Variants in PATJ observed in about 807,000 individuals in gnomAD.
The protein encoded by PATJ is inaD-like protein.
PATJ carries 190 observed loss-of-function variants against 224.9 expected under a neutral mutation model. The ratio of observed to expected loss-of-function variants is 0.84; its 90% CI spans 0.75 to 0.95. The LOEUF is 0.95. Ranked by LOEUF, PATJ falls within the 40% of genes least tolerant of loss-of-function variation. The pLI is 0.00. For missense variants in PATJ, 2,121 were observed against 2,270.3 expected (o/e 0.93, Z 1.34); for synonymous variants, 769 against 820.3 (o/e 0.94, Z 1.07).
At chr1:61,879,391 T>G (rs1350680157) in intron 21 of PATJ, among the ~76,000 whole-genome samples, 1 of 152,128 alleles carries the variant, frequency 6.6e-6, no homozygotes, top group Non-Finnish European at 1.5e-5. Flanking sequence ...AGATCCAAAG[T>G]GACCCTGACG....
At chr1:61,797,057 G>T (rs370726619) in intron 10 of PATJ, among the ~76,000 whole-genome samples, 1 of 152,028 alleles carries the variant, frequency 6.6e-6, no homozygotes, top group East Asian at 1.9e-4. Context: ...AGTAGAGATG[G>T]GGTTTCACCA....
At chr1:61,867,463 A>G (rs1048124229) in intron 20 of PATJ, among the ~76,000 whole-genome samples, 43 of 152,174 alleles carry the variant, frequency 2.8e-4, no homozygotes, top group African/African-American at 9.2e-4. Context: ...AACCTGAAAT[A>G]TCAGTTTATT....
intron 1 of PATJ, among the ~76,000 whole-genome samples, chr1:61,751,552 G>A (rs1377779221): frequency 6.6e-6 from 1 of 151,984 alleles, no homozygotes; most frequent in African/African-American, 2.4e-5. Context: ...TAGACTGGGT[G>A]CATTGTCTCT....
At chr1:62,116,780 A>C (rs1664489584) in intron 36 of PATJ, 101 bp downstream of exon 36, 2 of 1,120,910 alleles carry the variant, frequency 1.8e-6, no homozygotes, top group South Asian at 3.5e-5. Context: ...TTTTATACTA[A>C]CTCTAGTTTT....
In PATJ at chr1:62,100,378, G is replaced by T. The variant is rs553992466; in HGVS notation, c.4378-8059G>T. 3 of 718,266 alleles carry T rather than the reference G, an allele frequency of 4.2e-6. No individual in the cohort carries two copies. In the Middle Eastern group the frequency reaches 6.9e-4, roughly 164 times the overall value. The allele number at this position is 718,266 out of a possible 1,614,324, so 44.5% of individuals were successfully genotyped here. ...AGCATCTGGTGAGGGCCTTCATGCT[G>T]CATCATCCTGTGACAGAAGTTGAAG... On this transcript the variant is annotated intron_variant, in intron 33 of 43. Coordinates refer to ENST00000642238, the MANE Select transcript of PATJ (RefSeq NM_001350145.3).
intron 41 of PATJ, among the ~76,000 whole-genome samples, chr1:62,134,893 A>G (rs75316668): frequency 1.3e-5 from 2 of 152,146 alleles, no homozygotes; most frequent in African/African-American, 2.4e-5. Flanking sequence ...ACAGTTACCA[A>G]TGTAGTCCAG....
At chr1:61,860,814 G>A (rs899683102) in intron 18 of PATJ, among the ~76,000 whole-genome samples, 2 of 150,270 alleles carry the variant, frequency 1.3e-5, no homozygotes, top group South Asian at 2.1e-4. Context: ...GTGACACAGC[G>A]AGACTCTCTG....
chr1:62,009,844 G>A (rs980669160), intron 28 of PATJ, among the ~76,000 whole-genome samples: 1 of 151,978 alleles, frequency 6.6e-6, no homozygotes, highest in Non-Finnish European at 1.5e-5. Context: ...CAGCACTTTG[G>A]GAGGCCGAGG....
intron 27 of PATJ, among the ~76,000 whole-genome samples, chr1:61,949,733 C>A (rs1679337140): frequency 6.7e-6 from 1 of 149,706 alleles, no homozygotes; most frequent in Admixed American, 6.7e-5. Flanking sequence ...ATGGTGAAAC[C>A]CTGTCTTTTT....
chr1:61,814,918 C>T (rs1332537478), intron 14 of PATJ, among the ~76,000 whole-genome samples: 2 of 152,142 alleles, frequency 1.3e-5, no homozygotes, highest in Non-Finnish European at 2.9e-5. Flanking sequence ...GAACTATTTA[C>T]TGAGCTCCTA....
chr1:62,135,960 A>C (rs1400057138), intron 41 of PATJ, among the ~76,000 whole-genome samples: 1 of 147,204 alleles, frequency 6.8e-6, no homozygotes, highest in Non-Finnish European at 1.5e-5. Flanking sequence ...GCTGGAAGTC[A>C]GTTTGCCCTT....
chr1:61,914,640 G>A lies in PATJ; in HGVS notation c.3546G>A (p.Gln1182=). The A allele has an allele frequency of 6.3e-7, 1 of 1,578,180 alleles. No individual in the cohort carries two copies. The highest frequency in any genetic ancestry group is 8.7e-7 in the Non-Finnish European group (1 of 1,148,520). Residue 1182 remains glutamine (Q), a synonymous_variant, in exon 26 of 44, where the codon CAG becomes CAA. Transcript: ENST00000642238. ...KANKITGNQN[Q]DTQEKKEKRQ... is the part of the protein sequence containing the mutation. ...ACAAAATCACCGGTAACCAGAACCA[G>A]GACACCCAAGAAAAGAAAGAAAAGG...
At chr1:62,111,076 G>T (rs2148880324) in intron 34 of PATJ, among the ~76,000 whole-genome samples, 1 of 152,328 alleles carries the variant, frequency 6.6e-6, no homozygotes, top group South Asian at 2.1e-4. Context: ...CATCCGAGCA[G>T]ATACCGTCAT....
chr1:62,051,152 GCTTCTCTCAGGAATCTTCGT>G, intron 31 of PATJ, 94 bp downstream of exon 31: 1 of 900,988 alleles, frequency 1.1e-6, no homozygotes, highest in Non-Finnish European at 1.7e-6. Context: ...TATCATGTTT[GCTTCTCTCAGGAATCTTCGT>G]CTGTGAGACA....
At chr1:61,960,735 A>AT (rs1486916310) in intron 27 of PATJ, among the ~76,000 whole-genome samples, 7 of 151,640 alleles carry the variant, frequency 4.6e-5, no homozygotes, top group East Asian at 1.9e-4. Context: ...ATTCCTCTTG[A>AT]TTTTTTTAAA....
At chr1:62,010,404 T>G (rs1646372072) in intron 28 of PATJ, among the ~76,000 whole-genome samples, 1 of 152,048 alleles carries the variant, frequency 6.6e-6, no homozygotes, top group Admixed American at 6.6e-5. Context: ...TTCTTTTTTT[T>G]CCTTCCTCTC....
chr1:61,780,039 C>A (rs1252769494), intron 7 of PATJ, among the ~76,000 whole-genome samples: 2 of 152,230 alleles, frequency 1.3e-5, no homozygotes, highest in African/African-American at 4.8e-5. Flanking sequence ...ATGACCCAAA[C>A]ACCTCCCACT....
At chr1:61,985,639 G>A (rs1489061201) in intron 27 of PATJ, among the ~76,000 whole-genome samples, 1 of 151,966 alleles carries the variant, frequency 6.6e-6, no homozygotes, top group Non-Finnish European at 1.5e-5. Context: ...CCATATCACA[G>A]GACAAACACT....
intron 31 of PATJ, 93 bp from the exon 32 acceptor site, chr1:62,079,357 A>G: frequency 1.3e-6 from 1 of 761,060 alleles, no homozygotes; most frequent in Non-Finnish European, 2.3e-6. Context: ...ATTGGACTGC[A>G]CCATTGTTTT....
Sources: allele counts gnomAD v4.1 joint callset (sites outside exome capture counted in the v4.1 genomes callset), GRCh38; gene constraint gnomAD v4.1.1; transcripts MANE v1.5; gene names NCBI Gene and HGNC (gene_info 2026-07-23, HGNC 2026-07-21).